CNTN5: variants seen among roughly 807,000 people sequenced by gnomAD.
The protein encoded by CNTN5 is contactin-5.
CNTN5 carries 77 observed loss-of-function variants against 129.1 expected under a neutral mutation model. That is an observed-to-expected ratio of 0.60 (90% CI 0.50 to 0.72). The LOEUF (loss-of-function observed/expected upper bound fraction) is 0.72, where lower values mean the gene tolerates loss of function less well. CNTN5 is among the 30% of genes least tolerant of loss of function. The pLI is 0.00. For synonymous variants in CNTN5, 509 were observed against 465.6 expected, an observed-to-expected ratio of 1.09 and a Z score of -1.20; for missense variants, 1,478 against 1,328.8, an observed-to-expected ratio of 1.11 and a Z score of -1.75.
At chr11:100,224,916 C>T (rs1949340436) in intron 16 of CNTN5, 104 bp downstream of exon 16, 5 of 1,097,558 alleles carry the variant, frequency 4.6e-6, no homozygotes, top group Non-Finnish European at 5.0e-6. Flanking sequence ...GTGCATTTTA[C>T]TTTCAATTTT....
At chr11:100,262,491 G>A (rs1032526776) in intron 17 of CNTN5, among the ~76,000 whole-genome samples, 7 of 152,038 alleles carry the variant, frequency 4.6e-5, no homozygotes, top group African/African-American at 1.7e-4. Flanking sequence ...ACATGAACAT[G>A]TATGTTTACT....
intron 2 of CNTN5, among the ~76,000 whole-genome samples, chr11:99,425,075 G>A (rs1943059919): frequency 6.6e-6 from 1 of 152,178 alleles, no homozygotes. Flanking sequence ...GAGGAGACCT[G>A]TAGCAGGTAG....
At chr11:99,692,194 A>T in intron 3 of CNTN5, among the ~76,000 whole-genome samples, 1 of 152,140 alleles carries the variant, frequency 6.6e-6, no homozygotes, top group East Asian at 1.9e-4. Context: ...TTCTTTATCC[A>T]ACGTGCCACT....
At chr11:99,955,030 TG>T (rs1490028602) in intron 7 of CNTN5, among the ~76,000 whole-genome samples, 1 of 152,080 alleles carries the variant, frequency 6.6e-6, no homozygotes, top group Non-Finnish European at 1.5e-5. Flanking sequence ...TTAAATTTAA[TG>T]AATGATGTCC....
At chr11:99,719,809 C>T (rs1236540770) in intron 3 of CNTN5, among the ~76,000 whole-genome samples, 1 of 151,924 alleles carries the variant, frequency 6.6e-6, no homozygotes, top group Non-Finnish European at 1.5e-5. Context: ...AAAAGAGAGA[C>T]TATCTAAATA....
chr11:99,430,093 G>A (rs1296335389), intron 2 of CNTN5, among the ~76,000 whole-genome samples: 2 of 152,094 alleles, frequency 1.3e-5, no homozygotes, highest in African/African-American at 4.8e-5. Context: ...AAAGAGGGGT[G>A]TGTGGCACCT....
chr11:99,625,186 C>T (rs2135779886), intron 3 of CNTN5, among the ~76,000 whole-genome samples: 1 of 152,268 alleles, frequency 6.6e-6, no homozygotes, highest in Non-Finnish European at 1.5e-5. Flanking sequence ...TTGAATTTCA[C>T]AGTGATCTAT....
chr11:99,747,899 T>C (rs1384268250), intron 3 of CNTN5, among the ~76,000 whole-genome samples: 7 of 152,202 alleles, frequency 4.6e-5, no homozygotes, highest in Non-Finnish European at 1.5e-5. Flanking sequence ...CTATATCTAA[T>C]TGTTTGAGAG....
chr11:100,344,581 C>G (rs1164172983), intron 23 of CNTN5, among the ~76,000 whole-genome samples: 1 of 151,986 alleles, frequency 6.6e-6, no homozygotes, highest in Admixed American at 6.6e-5. Flanking sequence ...TTTGATAGAT[C>G]AGAAGGGTGA....
intron 6 of CNTN5, among the ~76,000 whole-genome samples, chr11:99,855,625 A>G (rs916702698): frequency 2.0e-4 from 31 of 152,166 alleles, no homozygotes; most frequent in African/African-American, 7.5e-4. Context: ...CTGAAATTAG[A>G]AAACAGAGTC....
intron 3 of CNTN5, among the ~76,000 whole-genome samples, chr11:99,732,603 T>A (rs1230098657): frequency 6.6e-6 from 1 of 152,212 alleles, no homozygotes; most frequent in Non-Finnish European, 1.5e-5. Context: ...TAAAGAAGGA[T>A]GCTGGAGAAG....
chr11:99,557,523 G>C (rs928817656), intron 3 of CNTN5, among the ~76,000 whole-genome samples: 1 of 151,342 alleles, frequency 6.6e-6, no homozygotes, highest in African/African-American at 2.4e-5. Context: ...GAAAACTGCA[G>C]ATTGTCTAAA....
At chr11:99,226,111 T>G (rs577424749) in intron 1 of CNTN5, among the ~76,000 whole-genome samples, 1 of 152,298 alleles carries the variant, frequency 6.6e-6, no homozygotes, top group African/African-American at 2.4e-5. Flanking sequence ...GGAAAAATCA[T>G]GGGTAGAATG....
chr11:100,264,267 C>T (rs11223456), intron 17 of CNTN5, among the ~76,000 whole-genome samples: 6,541 of 152,110 alleles, frequency 0.043, 398 homozygotes, highest in African/African-American at 0.14. Flanking sequence ...ATGAGCAGAA[C>T]GTGCAGGTTT....
intron 2 of CNTN5, among the ~76,000 whole-genome samples, chr11:99,333,666 G>A (rs1866096143): frequency 6.6e-6 from 1 of 151,964 alleles, no homozygotes; most frequent in Non-Finnish European, 1.5e-5. Context: ...GGGGTTAAAA[G>A]GAAGGTGAAA....
intron 8 of CNTN5, among the ~76,000 whole-genome samples, chr11:99,974,516 G>A (rs1231852121): frequency 6.6e-6 from 1 of 152,162 alleles, no homozygotes; most frequent in Admixed American, 6.5e-5. Context: ...GAAGTAATCA[G>A]TATTAGTTCC....
chr11:99,483,970 G>T (rs12222712), intron 2 of CNTN5, among the ~76,000 whole-genome samples: 1 of 151,910 alleles, frequency 6.6e-6, no homozygotes, highest in Non-Finnish European at 1.5e-5. Context: ...GAAAACACAC[G>T]TGAAATGCTT....
At chr11:99,972,543 A>G (rs903529837) in intron 8 of CNTN5, among the ~76,000 whole-genome samples, 1 of 152,132 alleles carries the variant, frequency 6.6e-6, no homozygotes, top group Non-Finnish European at 1.5e-5. Flanking sequence ...AAGCACTTCC[A>G]TTTCCACTGA....
intron 1 of CNTN5, among the ~76,000 whole-genome samples, chr11:99,209,209 C>T (rs906116406): frequency 1.8e-4 from 28 of 152,140 alleles, no homozygotes; most frequent in African/African-American, 6.7e-4. Context: ...TGAAGAAACT[C>T]AAAGGCAGGA....
Sources: gnomAD v4.1 joint callset for allele counts (sites outside exome capture counted in the v4.1 genomes callset) on GRCh38, gnomAD v4.1.1 for gene constraint, MANE v1.5 for transcripts, NCBI Gene and HGNC (gene_info 2026-07-23, HGNC 2026-07-21) for gene names.